The following BMS1 variants were observed in gnomAD, a reference collection of about 807,000 sequenced individuals.
BMS1 encodes the protein ribosome biogenesis protein BMS1 homolog.
BMS1 carries 53 observed loss-of-function variants against 138.7 expected under a neutral mutation model. The observed-to-expected ratio is 0.38, with a 90% CI of 0.31 to 0.48. BMS1 has a LOEUF of 0.48. Ranked by LOEUF, BMS1 falls within the 20% of genes least tolerant of loss-of-function variation. The probability of loss-of-function intolerance (pLI) is 0.97; values close to 1 mark genes in which losing one functional copy is unlikely to be tolerated. For missense variants in BMS1, 1,360 were observed against 1,565.5 expected, an observed-to-expected ratio of 0.87 and a Z score of 2.22; for synonymous variants, 504 against 539.9, an observed-to-expected ratio of 0.93 and a Z score of 0.92.
chr10:42,828,743 T>G (rs1842726932), intron 21 of BMS1, among the ~76,000 whole-genome samples: 1 of 152,210 alleles, frequency 6.6e-6, no homozygotes, highest in Non-Finnish European at 1.5e-5. Context: ...TGTTTTCATG[T>G]GGAGTGTTCA....
Position 42,823,748 on chromosome 10 carries a change from C to T in BMS1, c.3420C>T (p.Gly1140=), listed in dbSNP as rs1343505577. Residue 1140 remains glycine, a synonymous_variant, in exon 21 of 23, where the codon GGC becomes GGT. Coordinates refer to ENST00000374518, the MANE Select transcript of BMS1 (RefSeq NM_014753.4). ...RTTGQLRLAH[G]VRLKANKDSL... is the part of the protein sequence containing the mutation. ...CGGGCCAACTCAGGCTCGCCCATGG[C>T]GTCAGACTAAAGGCGAACAAGGACT... is the stretch of plus-strand genomic sequence containing the variant. The T allele has an allele frequency of 1.3e-5, 20 of 1,594,952 alleles. No individual in the cohort carries two copies. Among genetic ancestry groups the T allele is most frequent in the Admixed American group, 6.7e-5 (4 of 59,750 alleles).
chr10:42,831,502 A>C lies in BMS1; in HGVS notation c.*406A>C, dbSNP rs1356766713. The C allele has an allele frequency of 5.7e-6, 1 of 175,694 alleles. No individual in the cohort carries two copies. 10.9% of individuals were successfully genotyped at this position (175,694 alleles called of 1,614,324 possible). A position where few individuals can be genotyped will look rare whatever the true frequency, so the allele number is the denominator to read the frequency against. ...TCATGAGGAGTCTTCCAGAAGAGAA[A>C]GAAATATTCACTTGAACTCTGAGCT... On this transcript the variant is annotated 3_prime_UTR_variant, in exon 23 of 23. Transcript: ENST00000374518.
At position 42,834,823 on chromosome 10, in the gene BMS1, C is replaced by G. The variant is rs1331712089; in HGVS notation, c.*3727C>G. The G allele has an allele frequency of 6.6e-6, 1 of 151,948 alleles. No homozygotes were observed. Among genetic ancestry groups the G allele is most frequent in the Non-Finnish European group, 1.5e-5 (1 of 67,998 alleles). The allele number at this position is 151,948 out of a possible 1,614,324, so 9.4% of individuals were successfully genotyped here. A position where few individuals can be genotyped will look rare whatever the true frequency, so the allele number is the denominator to read the frequency against. On this transcript the variant is annotated 3_prime_UTR_variant, in exon 23 of 23. Transcript: ENST00000374518. ...CATACATTTAGACCAGGTGGCCTGTCCTGTAAATTTTTTTGAGGGGAGGGG... is the reference window on the plus strand; with the variant it reads ...CATACATTTAGACCAGGTGGCCTGTGCTGTAAATTTTTTTGAGGGGAGGGG...
chr10:42,811,508 G>A (rs1359806932), intron 13 of BMS1, among the ~76,000 whole-genome samples: 2 of 147,246 alleles, frequency 1.4e-5, no homozygotes, highest in African/African-American at 2.5e-5. Flanking sequence ...AAATGTTCAC[G>A]TGTTGTATTT....
At chr10:42,812,420 A>G (rs550830670) in intron 13 of BMS1, among the ~76,000 whole-genome samples, 6 of 152,170 alleles carry the variant, frequency 3.9e-5, no homozygotes, top group Non-Finnish European at 5.9e-5. Flanking sequence ...GATTACAGGC[A>G]TGAGCCACTG....
chr10:42,819,295 T>G (rs1039573930), intron 15 of BMS1, among the ~76,000 whole-genome samples: 3 of 152,242 alleles, frequency 2.0e-5, no homozygotes, highest in Non-Finnish European at 4.4e-5. Flanking sequence ...TGTAGAACTT[T>G]CTGTGATCAT....
intron 8 of BMS1, 152 bp from the exon 9 acceptor site, chr10:42,793,700 T>C: frequency 1.1e-6 from 1 of 931,110 alleles, no homozygotes; most frequent in Non-Finnish European, 1.6e-6. Context: ...ATTTCAAGCT[T>C]TGTTGTAAGG....
intron 2 of BMS1, 131 bp from the exon 3 acceptor site, chr10:42,785,351 C>G (rs1228535826): frequency 1.5e-6 from 1 of 663,226 alleles, no homozygotes; most frequent in Admixed American, 3.1e-5. Flanking sequence ...CTGTTGTACT[C>G]TCTATAAAAT....
rs546868533 is a variant in BMS1, at chr10:42,808,391, C to T, written c.2329+6173C>T. The stretch of plus-strand genomic sequence containing the variant: ...TCCACTCACTGCAAGCTCTGTCCCC[C>T]GGGTTCATGCCATTCTCCTGCCTCA... On this transcript the variant is annotated intron_variant, in intron 13 of 22. Transcript: ENST00000374518. 2.5e-3 allele frequency among the ~76,000 whole-genome samples: 381 copies of T among 151,854 alleles called. 3 individuals carry two copies. Among genetic ancestry groups the T allele is most frequent in the African/African-American group, 8.6e-3 (357 of 41,414 alleles).
Position 42,796,663 on chromosome 10 carries a change from G to T in BMS1, c.1419G>T (p.Met473Ile). Reference protein sequence around the residue: ...EEAEEEENAEMTDQYMAVKGI... With the variant: ...EEAEEEENAEITDQYMAVKGI... Reference sequence around the variant, plus strand: ...CAGAAGAGGAGGAAAATGCTGAGATGACTGATCAGTATATGGCTGTTAAGG... The same window carrying T: ...CAGAAGAGGAGGAAAATGCTGAGATTACTGATCAGTATATGGCTGTTAAGG... Residue 473 changes from methionine to isoleucine, a missense_variant, in exon 10 of 23, where the codon ATG becomes ATT. Transcript: ENST00000374518. 1 of 1,614,182 alleles carries T rather than the reference G, an allele frequency of 6.2e-7. No individual in the cohort carries two copies. Among genetic ancestry groups the T allele is most frequent in the Non-Finnish European group, 8.5e-7 (1 of 1,180,034 alleles).
chr10:42,815,481 G>A (rs931411178), intron 13 of BMS1, among the ~76,000 whole-genome samples: 2 of 152,090 alleles, frequency 1.3e-5, no homozygotes, highest in African/African-American at 4.8e-5. Flanking sequence ...ACTTCTACCT[G>A]GTTCTTTGGC....
intron 15 of BMS1, among the ~76,000 whole-genome samples, chr10:42,818,359 G>A (rs10751394): frequency 0.37 from 56,469 of 151,994 alleles, 11,211 homozygotes; most frequent in East Asian, 0.63. Flanking sequence ...AAGACTGAAT[G>A]TTTCACTCTG....
Position 42,817,370 on chromosome 10 carries a change from A to G in BMS1, c.2456A>G (p.Glu819Gly), listed in dbSNP as rs1188053376. Residue 819 changes from glutamate (E) to glycine (G), a missense_variant, in exon 15 of 23, where the codon GAA (glutamate) becomes GGA (glycine). Around this residue, in one of 3 missense-constraint regions of BMS1, gnomAD observed 697 missense variants for 686.2 expected, o/e 1.02. Transcript: ENST00000374518. ...VKEEIDPDEE[E>G]SAKKKHLDKK... ...GAAGAAATTGACCCCGACGAAGAAG[A>G]AAGTGCCAAGAAAAAGCATTTGGAT... 1 of 1,609,960 alleles carries G rather than the reference A, an allele frequency of 6.2e-7. No homozygotes were observed. The highest frequency in any genetic ancestry group is 1.7e-5 in the Admixed American group (1 of 59,512).
intron 13 of BMS1, among the ~76,000 whole-genome samples, chr10:42,810,167 GA>G (rs1338382784): frequency 6.6e-6 from 1 of 151,742 alleles, no homozygotes; most frequent in Non-Finnish European, 1.5e-5. Flanking sequence ...GATCATGAAT[GA>G]AAATGAAAAT....
chr10:42,813,946 TG>T (rs2132359544), intron 13 of BMS1, among the ~76,000 whole-genome samples: 1 of 152,340 alleles, frequency 6.6e-6, no homozygotes, highest in East Asian at 1.9e-4. Flanking sequence ...TTTGTTTCTT[TG>T]GTTGGTTTTT....
At chr10:42,793,757 T>C in intron 8 of BMS1, 95 bp from the exon 9 acceptor site, 2 of 1,388,444 alleles carry the variant, frequency 1.4e-6, no homozygotes, top group African/African-American at 2.9e-5. Flanking sequence ...TCTTAGGAAA[T>C]GTGTCTAAGA....
At chr10:42,802,347 A>G in intron 13 of BMS1, 129 bp downstream of exon 13, 1 of 720,614 alleles carries the variant, frequency 1.4e-6, no homozygotes, top group Non-Finnish European at 2.2e-6. Context: ...AGACAGGAGT[A>G]ATGAACCAGG....
At chr10:42,811,241 C>G (rs1842166697) in intron 13 of BMS1, among the ~76,000 whole-genome samples, 1 of 151,932 alleles carries the variant, frequency 6.6e-6, no homozygotes, top group African/African-American at 2.4e-5. Context: ...CAGGGTTTCT[C>G]CCTGTTGGTC....
chr10:42,793,890 C>T lies in BMS1; in HGVS notation c.1128C>T (p.Leu376=), dbSNP rs569696493. The change falls in exon 9 of 23, where the codon CTC becomes CTT. Residue 376 remains leucine, a synonymous_variant. Transcript: ENST00000374518. ...VGPTHELVQS[L]ISTHSTIDAK... is the part of the protein sequence containing the mutation. The stretch of plus-strand genomic sequence containing the variant: ...CCACCCATGAGCTGGTCCAGAGTCT[C>T]ATCTCTACCCACTCCACCATTGATG... 1 of 1,611,906 alleles carries T rather than the reference C, an allele frequency of 6.2e-7. No homozygotes were observed. The highest frequency in any genetic ancestry group is 8.5e-7 in the Non-Finnish European group (1 of 1,179,832).
Sources: allele counts gnomAD v4.1 joint callset (sites outside exome capture counted in the v4.1 genomes callset), GRCh38; gene constraint gnomAD v4.1.1; regional missense constraint gnomAD v4.1.1; transcripts MANE v1.5; gene names NCBI Gene and HGNC (gene_info 2026-07-23, HGNC 2026-07-21).